The following STAT5B variants were observed in gnomAD, a reference collection of about 807,000 sequenced individuals.
STAT5B encodes the protein signal transducer and activator of transcription 5B, also known as transcription factor STAT5B.
Under a neutral mutation model 107.8 loss-of-function variants are expected in STAT5B, and 21 were observed. The observed-to-expected ratio is 0.19, with a 90% CI of 0.14 to 0.28. STAT5B has a LOEUF of 0.28. Ranked by LOEUF, STAT5B falls within the 10% of genes least tolerant of loss-of-function variation. The pLI is 1.00. For synonymous variants in STAT5B, 325 were observed against 401.7 expected, an observed-to-expected ratio of 0.81 and a Z score of 2.28; for missense variants, 565 against 1,008.2, an observed-to-expected ratio of 0.56 and a Z score of 5.95.
chr17:42,223,692 C>T (rs900819474), intron 4 of STAT5B, 136 bp from the exon 5 acceptor site: 2 of 1,011,276 alleles, frequency 2.0e-6, no homozygotes, highest in Non-Finnish European at 2.9e-6. Context: ...GAAAAGCAAA[C>T]GTCATCATGA....
rs374711620 is a variant in STAT5B at position 42,224,784 on chromosome 17, T to C, written c.370A>G (p.Asn124Asp). 3.7e-6 allele frequency: 6 copies of C among 1,613,740 alleles called. No homozygotes were observed. The highest frequency in any genetic ancestry group is 1.3e-5 in the African/African-American group (1 of 74,892). ...YNEQRLVREA[N>D]NGSSPAGSLA... ...CATCCCTATGGGACACTCACATTGT[T>C]GGCTTCTCGGACCAACCTCTGTTCA... is the stretch of plus-strand genomic sequence containing the variant. Residue 124 changes from asparagine to aspartate, a missense_variant, in exon 4 of 19, where the codon AAC becomes GAC. By Grantham distance (23) the Asn-to-Asp change is conservative. Around this residue, in one of 11 missense-constraint regions of STAT5B, gnomAD observed 54 missense variants for 49.7 expected, o/e 1.09. Coordinates refer to ENST00000293328, the MANE Select transcript of STAT5B (RefSeq NM_012448.4).
chr17:42,218,009 G>C (rs1242128414), intron 9 of STAT5B, 142 bp downstream of exon 9: 4 of 1,439,216 alleles, frequency 2.8e-6, no homozygotes, highest in African/African-American at 1.4e-5. Flanking sequence ...CCAGGCCCAA[G>C]AACTTCCTTA....
chr17:42,263,377 ACT>A (rs1319461444), intron 1 of STAT5B, among the ~76,000 whole-genome samples: 6 of 151,964 alleles, frequency 3.9e-5, no homozygotes, highest in Non-Finnish European at 8.8e-5. Flanking sequence ...AACATCACAA[ACT>A]CTTTTTTCTG....
At chr17:42,220,437 C>A (rs1046684911) in intron 5 of STAT5B, among the ~76,000 whole-genome samples, 1 of 152,172 alleles carries the variant, frequency 6.6e-6, no homozygotes, top group East Asian at 1.9e-4. Flanking sequence ...AGCAGCTGCT[C>A]GGCCCCATCC....
chr17:42,286,036 A>G, the STAT5B span, among the ~76,000 whole-genome samples: 1 of 152,038 alleles, frequency 6.6e-6, no homozygotes, highest in African/African-American at 2.4e-5. Context: ...CCTGACCAAC[A>G]TGGAGAAACA....
In STAT5B at chr17:42,201,111, G is replaced by A. The variant is rs1265772933; in HGVS notation, c.*627C>T. On this transcript the variant is annotated 3_prime_UTR_variant, in exon 19 of 19. Coordinates refer to ENST00000293328, the MANE Select transcript of STAT5B (RefSeq NM_012448.4). ...TTTTGTGAAAAGCCACCGCCCATCC[G>A]AAAGCTTGTGACTTCCCTTGCCCCA... 4 of 404,324 alleles carry A rather than the reference G, an allele frequency of 9.9e-6. No individual in the cohort carries two copies. Among genetic ancestry groups the A allele is most frequent in the East Asian group, 3.5e-5 (1 of 28,436 alleles). The allele number at this position is 404,324 out of a possible 1,614,324, so 25.0% of individuals were successfully genotyped here.
intron 2 of STAT5B, among the ~76,000 whole-genome samples, chr17:42,228,076 G>A (rs528835833): frequency 7.9e-5 from 12 of 151,954 alleles, no homozygotes; most frequent in Non-Finnish European, 1.3e-4. Context: ...TGGGTGTAAA[G>A]GAGGCACAAG....
Position 42,207,664 on chromosome 17 carries a change from G to A in STAT5B, c.1971C>T (p.Ala657=), listed in dbSNP as rs141979661. The A allele has an allele frequency of 1.9e-4, 303 of 1,614,084 alleles. 1 individual carries two copies. The highest frequency in any genetic ancestry group is 2.4e-4 in the Non-Finnish European group (282 of 1,180,018). ...TTRDFSIRSL[A]DRLGDLNYLI... is the part of the protein sequence containing the mutation. Reference sequence around the variant, plus strand: ...GGTAATTCAAGTCTCCCAAGCGGTCGGCTAGGGACCGAATGGAGAAGTCTC... The same window carrying A: ...GGTAATTCAAGTCTCCCAAGCGGTCAGCTAGGGACCGAATGGAGAAGTCTC... Residue 657 remains alanine, a synonymous_variant, in exon 16 of 19, where the codon GCC becomes GCT. Transcript: ENST00000293328.
chr17:42,284,165 G>A, the STAT5B span, among the ~76,000 whole-genome samples: 1 of 152,006 alleles, frequency 6.6e-6, no homozygotes, highest in Non-Finnish European at 1.5e-5. Context: ...TCAAGTCAAG[G>A]TGACCTCAAT....
At chr17:42,241,877 T>C (rs767719474) in intron 1 of STAT5B, among the ~76,000 whole-genome samples, 3 of 152,138 alleles carry the variant, frequency 2.0e-5, no homozygotes, top group Non-Finnish European at 4.4e-5. Context: ...ACCAGAGCCA[T>C]CTGCTCTTTA....
intron 16 of STAT5B, 70 bp downstream of exon 16, chr17:42,207,486 TGC>T (rs2080094037): frequency 1.5e-6 from 2 of 1,339,666 alleles, no homozygotes; most frequent in Non-Finnish European, 2.0e-6. Flanking sequence ...CACGCAGGTA[TGC>T]ACACACACAC....
chr17:42,277,391 T>G (rs2080774708), upstream of STAT5B, among the ~76,000 whole-genome samples: 1 of 152,122 alleles, frequency 6.6e-6, no homozygotes, highest in Admixed American at 6.5e-5. Context: ...TGCAAAACGT[T>G]CATGTCCAGA....
intron 1 of STAT5B, among the ~76,000 whole-genome samples, chr17:42,248,258 T>C (rs2080468444): frequency 7.0e-6 from 1 of 142,806 alleles, no homozygotes; most frequent in Admixed American, 7.0e-5. Flanking sequence ...CTGGGTGACA[T>C]TGTAAGATCT....
chr17:42,202,965 AAC>A (rs1406483380), intron 16 of STAT5B, 157 bp from the exon 17 acceptor site: 4 of 986,180 alleles, frequency 4.1e-6, no homozygotes, highest in Non-Finnish European at 6.2e-6. Context: ...TGTTTTTTGA[AAC>A]AGTCTCACTC....
At chr17:42,245,407 A>G (rs2080443070) in intron 1 of STAT5B, among the ~76,000 whole-genome samples, 1 of 150,942 alleles carries the variant, frequency 6.6e-6, no homozygotes, top group Non-Finnish European at 1.5e-5. Flanking sequence ...GTTAAAGTGC[A>G]GTGGCATGAT....
intron 1 of STAT5B, among the ~76,000 whole-genome samples, chr17:42,256,607 C>A (rs2080546799): frequency 6.6e-6 from 1 of 152,090 alleles, no homozygotes; most frequent in South Asian, 2.1e-4. Context: ...CGCCTGTAAT[C>A]CCAGCATTTT....
chr17:42,227,120 G>A (rs1042530938), intron 3 of STAT5B, among the ~76,000 whole-genome samples: 21 of 73,566 alleles, frequency 2.9e-4, no homozygotes, highest in African/African-American at 8.9e-4. Flanking sequence ...GGGCGACAGA[G>A]CAAGACTCCG....
chr17:42,207,317 A>G (rs1286487236), intron 16 of STAT5B, among the ~76,000 whole-genome samples: 1 of 152,166 alleles, frequency 6.6e-6, no homozygotes, highest in East Asian at 1.9e-4. Context: ...TTGTATTAAA[A>G]AGAATTTGTT....
At chr17:42,223,103 G>C (rs1333984929) in intron 5 of STAT5B, among the ~76,000 whole-genome samples, 1 of 152,136 alleles carries the variant, frequency 6.6e-6, no homozygotes, top group East Asian at 1.9e-4. Flanking sequence ...TAGACTGTGA[G>C]CTCCTTCTCA....
Sources: gnomAD v4.1 joint callset for allele counts (sites outside exome capture counted in the v4.1 genomes callset) on GRCh38, gnomAD v4.1.1 for gene constraint, gnomAD v4.1.1 regional missense constraint, MANE v1.5 for transcripts, NCBI Gene and HGNC (gene_info 2026-07-23, HGNC 2026-07-21) for gene names.